Variants in PANK4 observed in about 807,000 individuals in gnomAD.
The protein encoded by PANK4 is pantothenate kinase 4 (inactive).
PANK4 carries 40 observed loss-of-function variants against 87.9 expected under a neutral mutation model. The observed-to-expected ratio is 0.46, with a 90% CI of 0.35 to 0.59. The LOEUF (loss-of-function observed/expected upper bound fraction) is 0.59. Ranked by LOEUF, PANK4 falls within the 20% of genes least tolerant of loss-of-function variation. The pLI is 0.00. For synonymous variants in PANK4, 524 were observed against 467.4 expected (o/e 1.12, Z -1.56); for missense variants, 926 against 1,072.3 (o/e 0.86, Z 1.90).
chr1:2,518,638 C>T (rs1449095688), intron 7 of PANK4, 41 bp from the exon 8 acceptor site: 2 of 1,498,620 alleles, frequency 1.3e-6, no homozygotes, highest in Non-Finnish European at 1.8e-6. Flanking sequence ...TGGCCCCACA[C>T]AACACCCGGT....
chr1:2,510,614 C>T lies in PANK4; in HGVS notation c.1938+64G>A, dbSNP rs758303472. 14 of 983,894 alleles carry T rather than the reference C, an allele frequency of 1.4e-5. No homozygotes were observed. The highest frequency in any genetic ancestry group is 8.2e-5 in the African/African-American group (5 of 60,916). The allele number at this position is 983,894 out of a possible 1,614,324, so 60.9% of individuals were successfully genotyped here. A position where few individuals can be genotyped will look rare whatever the true frequency, so the allele number is the denominator to read the frequency against. On this transcript the variant is annotated intron_variant, in intron 16 of 18. Coordinates refer to ENST00000378466, the MANE Select transcript of PANK4 (RefSeq NM_018216.4). The surrounding 1 kb of genome is among the most constrained non-coding windows in gnomAD (Gnocchi z 4.9). Reference sequence around the variant, plus strand: ...GACCACCGCCAGAGGCCCACAGCGGCGCCAACCCCACCGAGAGCAGAGAAG... The same window carrying T: ...GACCACCGCCAGAGGCCCACAGCGGTGCCAACCCCACCGAGAGCAGAGAAG...
intron 9 of PANK4, among the ~76,000 whole-genome samples, chr1:2,516,999 G>A (rs962130100): frequency 1.3e-5 from 2 of 152,224 alleles, no homozygotes; most frequent in African/African-American, 2.4e-5. Context: ...GGTAACAAGC[G>A]CCTCCTGAAC....
intron 9 of PANK4, among the ~76,000 whole-genome samples, chr1:2,516,768 A>C (rs552394395): frequency 6.6e-6 from 1 of 152,316 alleles, no homozygotes; most frequent in African/African-American, 2.4e-5. Flanking sequence ...CAGGAGCCCC[A>C]CCTTAACTAC....
At chr1:2,522,347 T>C (rs1222854684) in intron 1 of PANK4, among the ~76,000 whole-genome samples, 2 of 152,030 alleles carry the variant, frequency 1.3e-5, no homozygotes. Context: ...AGGCAGAAAA[T>C]GCAGCCCCAG....
At chr1:2,525,101 C>T (rs754964303) in intron 1 of PANK4, among the ~76,000 whole-genome samples, 3 of 152,150 alleles carry the variant, frequency 2.0e-5, no homozygotes, top group African/African-American at 2.4e-5. Context: ...ATTCTCATCG[C>T]CCCCCACTTC....
chr1:2,508,716 T>C lies in PANK4; in HGVS notation c.*131A>G. Reference sequence around the variant, plus strand: ...CTCGCCTCTGGGTCACACGCATCTGTGCGGCTGGGGTGTATGTGCCGCGTC... The same window carrying C: ...CTCGCCTCTGGGTCACACGCATCTGCGCGGCTGGGGTGTATGTGCCGCGTC... On this transcript the variant is annotated 3_prime_UTR_variant, in exon 19 of 19. Coordinates refer to ENST00000378466, the MANE Select transcript of PANK4 (RefSeq NM_018216.4). This position sits in a 1 kb window ranked among gnomAD's most constrained non-coding sequence, Gnocchi z 5.1. 1 of 638,254 alleles carries C rather than the reference T, an allele frequency of 1.6e-6. No homozygotes were observed. The highest frequency in any genetic ancestry group is 2.8e-6 in the Non-Finnish European group (1 of 352,790). The allele number at this position is 638,254 out of a possible 1,614,324, so 39.5% of individuals were successfully genotyped here. A position where few individuals can be genotyped will look rare whatever the true frequency, so the allele number is the denominator to read the frequency against.
intron 9 of PANK4, among the ~76,000 whole-genome samples, chr1:2,517,904 G>C (rs1484316658): frequency 1.3e-5 from 2 of 152,240 alleles, no homozygotes; most frequent in Admixed American, 6.5e-5. Context: ...CTGCAAACAA[G>C]AAGGCCGGAT....
At chr1:2,513,887 C>T in intron 12 of PANK4, 115 bp downstream of exon 12, 1 of 807,438 alleles carries the variant, frequency 1.2e-6, no homozygotes, top group South Asian at 1.4e-5. Flanking sequence ...GCTACCAAAC[C>T]TGCATGGCCT....
At chr1:2,511,908 C>G (rs1643668869) in intron 13 of PANK4, among the ~76,000 whole-genome samples, 1 of 152,196 alleles carries the variant, frequency 6.6e-6, no homozygotes, top group Non-Finnish European at 1.5e-5. Context: ...AAATCCCTCC[C>G]AGGTGGGACA....
intron 1 of PANK4, among the ~76,000 whole-genome samples, chr1:2,523,261 C>T (rs757869830): frequency 6.6e-6 from 1 of 152,068 alleles, no homozygotes; most frequent in Non-Finnish European, 1.5e-5. Context: ...GGGCAGGCTC[C>T]CCGACGGCTG....
chr1:2,510,451 C>G lies in PANK4; in HGVS notation c.1938+227G>C, dbSNP rs916845333. On this transcript the variant is annotated intron_variant, in intron 16 of 18. Transcript: ENST00000378466. This position sits in a 1 kb window ranked among gnomAD's most constrained non-coding sequence, Gnocchi z 4.9. ...TGTGAGCACCCTTCCAGGAGCCTGGCGTCAACCCTGGGCTTCAGCACATGG... is the reference window on the plus strand; with the variant it reads ...TGTGAGCACCCTTCCAGGAGCCTGGGGTCAACCCTGGGCTTCAGCACATGG... 6.2e-5 allele frequency: 37 copies of G among 596,772 alleles called. No homozygotes were observed. Among genetic ancestry groups the G allele is most frequent in the Admixed American group, 1.2e-4 (4 of 33,832 alleles). 37.0% of individuals were successfully genotyped at this position (596,772 alleles called of 1,614,324 possible).
Position 2,515,936 on chromosome 1 carries a change from T to C in PANK4, c.1219-219A>G, listed in dbSNP as rs1643763705. Reference sequence around the variant, plus strand: ...CCCCTGGTTTGACACTGGGGTTGCGTCTGCTCCCACCACACGCCTCCTGCC... The same window carrying C: ...CCCCTGGTTTGACACTGGGGTTGCGCCTGCTCCCACCACACGCCTCCTGCC... On this transcript the variant is annotated intron_variant, in intron 9 of 18. Transcript: ENST00000378466. The surrounding 1 kb of genome is among the most constrained non-coding windows in gnomAD (Gnocchi z 5.0). 3.4e-6 allele frequency: 2 copies of C among 594,646 alleles called. No homozygotes were observed. Among genetic ancestry groups the C allele is most frequent in the Non-Finnish European group, 6.0e-6 (2 of 334,138 alleles). The allele number at this position is 594,646 out of a possible 1,614,324, so 36.8% of individuals were successfully genotyped here. A position where few individuals can be genotyped will look rare whatever the true frequency, so the allele number is the denominator to read the frequency against.
rs1327642298 is a variant in PANK4, at chr1:2,509,690, A to G, written c.2108+172T>C. 1.6e-6 allele frequency: 1 copy of G among 641,430 alleles called. No homozygotes were observed. The highest frequency in any genetic ancestry group is 2.8e-6 in the Non-Finnish European group (1 of 355,394). The allele number at this position is 641,430 out of a possible 1,614,324, so 39.7% of individuals were successfully genotyped here. A position where few individuals can be genotyped will look rare whatever the true frequency, so the allele number is the denominator to read the frequency against. On this transcript the variant is annotated intron_variant, in intron 18 of 18. Transcript: ENST00000378466. The surrounding 1 kb of genome is among the most constrained non-coding windows in gnomAD (Gnocchi z 4.9). ...TGAATCCATTCACCCTCCCCAGGCC[A>G]CCTTCGGGGATGGCATATCTGTCCC...
At chr1:2,523,401 GC>G (rs1643894486) in intron 1 of PANK4, among the ~76,000 whole-genome samples, 2 of 152,170 alleles carry the variant, frequency 1.3e-5, no homozygotes. Context: ...GCACCATGCC[GC>G]CGACTCACCT....
intron 1 of PANK4, 27 bp downstream of exon 1, chr1:2,526,437 C>CGCGCCCG (rs763133147): frequency 7.7e-7 from 1 of 1,304,264 alleles, no homozygotes; most frequent in Non-Finnish European, 1.0e-6. Context: ...CCCCGCAGCC[C>CGCGCCCG]GCGCCCGGCG....
chr1:2,519,022 G>T lies in PANK4; in HGVS notation c.1035+121C>A. 1 of 914,416 alleles carries T rather than the reference G, an allele frequency of 1.1e-6. No homozygotes were observed. Among genetic ancestry groups the T allele is most frequent in the Non-Finnish European group, 1.7e-6 (1 of 592,980 alleles). The allele number at this position is 914,416 out of a possible 1,614,324, so 56.6% of individuals were successfully genotyped here. A position where few individuals can be genotyped will look rare whatever the true frequency, so the allele number is the denominator to read the frequency against. On this transcript the variant is annotated intron_variant, in intron 7 of 18. Coordinates refer to ENST00000378466, the MANE Select transcript of PANK4 (RefSeq NM_018216.4). This position sits in a 1 kb window ranked among gnomAD's most constrained non-coding sequence, Gnocchi z 8.3. ...ATCAGTCAGAAGGGAGGGGTGCTGG[G>T]CTTCTTGGCCCCCACCCTCCAGGCC...
rs75875515 is a variant in PANK4, at chr1:2,509,581, G to T, written c.2108+281C>A. Among the ~76,000 whole-genome samples, 1 of 152,224 alleles carries T rather than the reference G, an allele frequency of 6.6e-6. No homozygotes were observed. Among genetic ancestry groups the T allele is most frequent in the African/African-American group, 2.4e-5 (1 of 41,530 alleles). Reference sequence around the variant, plus strand: ...CCGGGCAGCTGCCCAGGTCGCCCTCGGTCTCAGCTGAGTGGCCACAGGGAC... The same window carrying T: ...CCGGGCAGCTGCCCAGGTCGCCCTCTGTCTCAGCTGAGTGGCCACAGGGAC... On this transcript the variant is annotated intron_variant, in intron 18 of 18. Transcript: ENST00000378466. The surrounding 1 kb of genome is among the most constrained non-coding windows in gnomAD (Gnocchi z 4.9).
chr1:2,518,869 G>A (rs1643834388), intron 7 of PANK4, among the ~76,000 whole-genome samples: 1 of 152,274 alleles, frequency 6.6e-6, no homozygotes, highest in African/African-American at 2.4e-5. Flanking sequence ...GCGTGCCTCT[G>A]CGGGGGCAGG....
At position 2,510,464 on chromosome 1, in the gene PANK4, C is replaced by A; in HGVS notation, c.1938+214G>T. The A allele has an allele frequency of 1.7e-6, 1 of 599,812 alleles. No homozygotes were observed. The highest frequency in any genetic ancestry group is 3.0e-6 in the Non-Finnish European group (1 of 336,976). 37.2% of individuals were successfully genotyped at this position (599,812 alleles called of 1,614,324 possible). On this transcript the variant is annotated intron_variant, in intron 16 of 18. Coordinates refer to ENST00000378466, the MANE Select transcript of PANK4 (RefSeq NM_018216.4). The surrounding 1 kb of genome is among the most constrained non-coding windows in gnomAD (Gnocchi z 4.9). ...CCAGGAGCCTGGCGTCAACCCTGGG[C>A]TTCAGCACATGGACCCTCAGCCTGA...
Sources: gnomAD v4.1 joint callset for allele counts (sites outside exome capture counted in the v4.1 genomes callset) on GRCh38, gnomAD v4.1.1 for gene constraint, Gnocchi (gnomAD v3.1) non-coding constraint, MANE v1.5 for transcripts, NCBI Gene and HGNC (gene_info 2026-07-23, HGNC 2026-07-21) for gene names.